Variants in DPP10 observed in about 807,000 individuals in gnomAD.
DPP10 encodes the protein inactive dipeptidyl peptidase 10.
A neutral mutation model predicts 120.9 loss-of-function variants in DPP10; 33 were observed. The ratio of observed to expected loss-of-function variants is 0.27; its 90% confidence interval spans 0.21 to 0.37. The LOEUF (loss-of-function observed/expected upper bound fraction) is 0.37. Among genes scored for constraint, DPP10 ranks in the 10% least tolerant of loss-of-function variants. The pLI is 1.00. For synonymous variants in DPP10, 337 were observed against 326.1 expected (o/e 1.03, Z -0.36); for missense variants, 816 against 942.8 (o/e 0.87, Z 1.76).
chr2:115,337,665 A>G (rs2063222780), intron 2 of DPP10, among the ~76,000 whole-genome samples: 2 of 136,994 alleles, frequency 1.5e-5, no homozygotes, highest in South Asian at 4.5e-4. Flanking sequence ...TGCTCATAAA[A>G]AAAAAAAAAA....
chr2:115,416,509 A>T (rs2069445556), intron 3 of DPP10, among the ~76,000 whole-genome samples: 1 of 152,040 alleles, frequency 6.6e-6, no homozygotes, highest in South Asian at 2.1e-4. Context: ...TTATTAGTCC[A>T]TTCTGCAAAA....
chr2:115,536,952 A>G (rs1456076596), intron 5 of DPP10, among the ~76,000 whole-genome samples: 2 of 152,100 alleles, frequency 1.3e-5, no homozygotes, highest in Non-Finnish European at 2.9e-5. Context: ...GAGTAAAAGT[A>G]AGTTTCTCCT....
chr2:115,286,757 C>G (rs1009292539), intron 1 of DPP10, among the ~76,000 whole-genome samples: 2 of 151,144 alleles, frequency 1.3e-5, no homozygotes, highest in African/African-American at 4.8e-5. Flanking sequence ...AATCCTTCCA[C>G]TGTTGTCTGG....
intron 1 of DPP10, among the ~76,000 whole-genome samples, chr2:115,143,237 T>C (rs1273164559): frequency 2.0e-5 from 3 of 152,086 alleles, no homozygotes; most frequent in Non-Finnish European, 4.4e-5. Flanking sequence ...TCAGAAACAA[T>C]AGGCAGAAGG....
intron 1 of DPP10, among the ~76,000 whole-genome samples, chr2:114,477,073 C>T (rs1396007726): frequency 6.6e-6 from 1 of 152,084 alleles, no homozygotes; most frequent in Admixed American, 6.6e-5. Flanking sequence ...AATTCTACTG[C>T]TTCAGCTTCC....
chr2:115,721,655 G>A lies in DPP10; in HGVS notation c.577-6161G>A, dbSNP rs1377120940. ...AATTGGAACTCTCATACACTGTTCA[G>A]TATACAAAATAATCCAGGTACTATA... is the stretch of plus-strand genomic sequence containing the variant. On this transcript the variant is annotated intron_variant, in intron 7 of 25. Transcript: ENST00000410059. Among the ~76,000 whole-genome samples the A allele has an allele frequency of 2.6e-5, 4 of 152,004 alleles. No homozygotes were observed. In the East Asian group the frequency reaches 7.7e-4, roughly 29 times the overall value.
rs1418443635 is a variant in DPP10, at chr2:115,161,970, A to T, written c.61-147269A>T. 13 of 1,424,324 alleles carry T rather than the reference A, an allele frequency of 9.1e-6. 2 individuals carry two copies. The Admixed American group carries it at 3.8e-4, about 42-fold the overall frequency. The allele number at this position is 1,424,324 out of a possible 1,614,324, so 88.2% of individuals were successfully genotyped here. A position where few individuals can be genotyped will look rare whatever the true frequency, so the allele number is the denominator to read the frequency against. On this transcript the variant is annotated intron_variant, in intron 1 of 25. Coordinates refer to ENST00000410059, the MANE Select transcript of DPP10 (RefSeq NM_020868.6). ...GGGCCGCCGGCGATGACGGCCGCGA[A>T]GCAGGAGCCGCAGCCCACCCCGGGG...
intron 1 of DPP10, among the ~76,000 whole-genome samples, chr2:115,182,937 A>T (rs761055212): frequency 6.6e-6 from 1 of 152,156 alleles, no homozygotes; most frequent in Non-Finnish European, 1.5e-5. Flanking sequence ...CCTGAGAAGG[A>T]CGATGTGGCA....
chr2:115,785,456 A>T (rs1683227077), intron 17 of DPP10, among the ~76,000 whole-genome samples: 1 of 152,126 alleles, frequency 6.6e-6, no homozygotes, highest in African/African-American at 2.4e-5. Flanking sequence ...ATATGGATCC[A>T]TCTGGTTCCA....
At chr2:115,461,609 C>T (rs2073989598) in intron 3 of DPP10, among the ~76,000 whole-genome samples, 2 of 152,088 alleles carry the variant, frequency 1.3e-5, no homozygotes. Flanking sequence ...AATCATTTCA[C>T]AATATACAGG....
Position 115,299,949 on chromosome 2 carries a change from A to AC in DPP10, c.61-9289dup, listed in dbSNP as rs145085518. Among the ~76,000 whole-genome samples the AC allele has an allele frequency of 1.2e-3, 190 of 152,192 alleles. 1 individual carries two copies. The highest frequency in any genetic ancestry group is 4.4e-3 in the African/African-American group (182 of 41,574). On this transcript the variant is annotated intron_variant, in intron 1 of 25. Coordinates refer to ENST00000410059, the MANE Select transcript of DPP10 (RefSeq NM_020868.6). The stretch of plus-strand genomic sequence containing the variant: ...TCTTTACCACATTGAATTTTCCTTA[A>AC]CAGGGATTTGAAGATTCTCTACATC...
At position 114,548,198 on chromosome 2, in the gene DPP10, T is replaced by A. The variant is rs566681090; in HGVS notation, c.60+105360T>A. ...GAGGCATCTATTATTACCGTTAAGA[T>A]GATTCATCTCTATGGAGAAACTGGA... On this transcript the variant is annotated intron_variant, in intron 1 of 25. Coordinates refer to ENST00000410059, the MANE Select transcript of DPP10 (RefSeq NM_020868.6). Among the ~76,000 whole-genome samples, 5 of 152,314 alleles carry A rather than the reference T, an allele frequency of 3.3e-5. No homozygotes were observed. The South Asian group carries it at 8.3e-4, about 25-fold the overall frequency.
intron 1 of DPP10, among the ~76,000 whole-genome samples, chr2:114,889,560 A>T (rs962231925): frequency 1.8e-4 from 28 of 152,230 alleles, no homozygotes; most frequent in Admixed American, 6.5e-4. Context: ...CAACACTTTT[A>T]AACATTCTAT....
chr2:114,593,294 C>T (rs1239547757), intron 1 of DPP10, among the ~76,000 whole-genome samples: 1 of 152,096 alleles, frequency 6.6e-6, no homozygotes, highest in Non-Finnish European at 1.5e-5. Flanking sequence ...AACAGCAGAG[C>T]CACGCAATTA....
chr2:114,683,373 C>T (rs1275121276), intron 1 of DPP10, among the ~76,000 whole-genome samples: 9 of 151,772 alleles, frequency 5.9e-5, no homozygotes, highest in African/African-American at 1.2e-4. Flanking sequence ...AAGTAAGTGA[C>T]GGAAATGGAA....
intron 1 of DPP10, among the ~76,000 whole-genome samples, chr2:115,045,988 C>T (rs1456000948): frequency 7.5e-6 from 1 of 133,990 alleles, no homozygotes; most frequent in Non-Finnish European, 1.6e-5. Context: ...TTTGTGTGTG[C>T]TGAAAGGCTG....
At chr2:115,711,006 T>C (rs2092296324) in intron 7 of DPP10, among the ~76,000 whole-genome samples, 1 of 152,124 alleles carries the variant, frequency 6.6e-6, no homozygotes, top group Non-Finnish European at 1.5e-5. Flanking sequence ...AGAATTCAGT[T>C]GGAAAAAAAT....
At chr2:115,497,900 C>G (rs1049912579) in intron 3 of DPP10, among the ~76,000 whole-genome samples, 1 of 151,872 alleles carries the variant, frequency 6.6e-6, no homozygotes, top group African/African-American at 2.4e-5. Context: ...TTATGTAAAT[C>G]TGTTATTTGT....
intron 1 of DPP10, among the ~76,000 whole-genome samples, chr2:114,792,050 C>A (rs1174660470): frequency 6.6e-6 from 1 of 152,154 alleles, no homozygotes; most frequent in African/African-American, 2.4e-5. Flanking sequence ...TTTAAATTGA[C>A]ATAGCCTGTT....
Sources: gnomAD v4.1 joint callset for allele counts (sites outside exome capture counted in the v4.1 genomes callset) on GRCh38, gnomAD v4.1.1 for gene constraint, MANE v1.5 for transcripts, NCBI Gene and HGNC (gene_info 2026-07-23, HGNC 2026-07-21) for gene names.